Variants in JPH3 observed in about 807,000 individuals in gnomAD.
JPH3 encodes junctophilin 3.
JPH3 carries 11 observed loss-of-function variants against 59.6 expected under a neutral mutation model. That is an observed-to-expected ratio of 0.18 (90% CI 0.12 to 0.31). JPH3 has a LOEUF of 0.31. Among genes scored for constraint, JPH3 ranks in the 10% least tolerant of loss-of-function variants. JPH3 has a pLI of 1.00. For missense variants in JPH3, 1,202 were observed against 1,105.7 expected (o/e 1.09, Z -1.24); for synonymous variants, 673 against 483.6 (o/e 1.39, Z -5.14).
At chr16:87,640,466 C>CTG (rs2031910433) in intron 1 of JPH3, among the ~76,000 whole-genome samples, 1 of 151,924 alleles carries the variant, frequency 6.6e-6, no homozygotes, top group Non-Finnish European at 1.5e-5. Flanking sequence ...TCTGTGCTCA[C>CTG]TGTAACCTCC....
At chr16:87,644,119 C>A (rs1465516302) in intron 1 of JPH3, 139 bp from the exon 2 acceptor site, 1 of 906,380 alleles carries the variant, frequency 1.1e-6, no homozygotes, top group Non-Finnish European at 1.7e-6. Context: ...GCCTGGGCAA[C>A]ACAGCGAGAA....
chr16:87,636,289 TCAGCCGCGGTTGGCCGC>T (rs2031744464), intron 1 of JPH3, among the ~76,000 whole-genome samples: 1 of 152,218 alleles, frequency 6.6e-6, no homozygotes, highest in Non-Finnish European at 1.5e-5. Flanking sequence ...TCAGTTGCCC[TCAGCCGCGGTTGGCCGC>T]CAAGCACTAG....
chr16:87,657,669 T>C (rs1482070863), intron 2 of JPH3, among the ~76,000 whole-genome samples: 3 of 152,214 alleles, frequency 2.0e-5, no homozygotes, highest in Non-Finnish European at 4.4e-5. Flanking sequence ...TGCCCAGGCC[T>C]CTTCTGTCTT....
At chr16:87,681,941 C>T (rs1056319116) in intron 2 of JPH3, among the ~76,000 whole-genome samples, 5 of 152,096 alleles carry the variant, frequency 3.3e-5, no homozygotes, top group African/African-American at 7.3e-5. Context: ...TTTGGGGCAT[C>T]GCAAATCCTC....
At chr16:87,680,648 C>T (rs1035289094) in intron 2 of JPH3, among the ~76,000 whole-genome samples, 7 of 152,142 alleles carry the variant, frequency 4.6e-5, no homozygotes, top group South Asian at 2.1e-4. Context: ...CCTGTGCCAC[C>T]GTGGCCTGAC....
At chr16:87,683,954 G>A in intron 2 of JPH3, 188 bp from the exon 3 acceptor site, 2 of 594,482 alleles carry the variant, frequency 3.4e-6, no homozygotes, top group Non-Finnish European at 3.0e-6. Context: ...GTTGGTTGAT[G>A]CTCAGTGATG....
chr16:87,644,399 C>T lies in JPH3; in HGVS notation c.524C>T (p.Thr175Met), dbSNP rs151044284. Residue 175 changes from threonine to methionine, a missense_variant, in exon 2 of 5, where the codon ACG becomes ATG. By Grantham distance (81) the Thr-to-Met change is moderately conservative. Coordinates refer to ENST00000284262, the MANE Select transcript of JPH3 (RefSeq NM_020655.4). The stretch of plus-strand genomic sequence containing the variant: ...CTGCGCAGCGAGCACACCAACGGCA[C>T]GGCGCTGCATCCCGACGCCTCTCCG... ...NSLRSEHTNG[T>M]ALHPDASPAV... 205 of 1,612,544 alleles carry T rather than the reference C, an allele frequency of 1.3e-4. 1 individual carries two copies. Among genetic ancestry groups the T allele is most frequent in the Admixed American group, 2.3e-4 (14 of 59,988 alleles).
intron 2 of JPH3, among the ~76,000 whole-genome samples, chr16:87,668,188 C>T (rs537641092): frequency 2.0e-5 from 3 of 152,338 alleles, no homozygotes; most frequent in African/African-American, 7.2e-5. Flanking sequence ...TCCGGGTCCT[C>T]TGGGAAGCTC....
At chr16:87,629,683 G>T (rs556305845) in intron 1 of JPH3, among the ~76,000 whole-genome samples, 31 of 152,144 alleles carry the variant, frequency 2.0e-4, no homozygotes, top group African/African-American at 4.8e-4. Flanking sequence ...CCCAGGGTTG[G>T]GGGGGAGGGA....
chr16:87,688,774 C>A (rs2033480751), intron 3 of JPH3, among the ~76,000 whole-genome samples: 1 of 152,190 alleles, frequency 6.6e-6, no homozygotes, highest in East Asian at 1.9e-4. Context: ...TGTAACTGTT[C>A]CCCGGAGGGT....
chr16:87,622,441 G>A lies in JPH3; in HGVS notation c.382+18913G>A, dbSNP rs549964783. On this transcript the variant is annotated intron_variant, in intron 1 of 4. Transcript: ENST00000284262. ...TCTCCAGCTGTGTTCCCATTTCTCA[G>A]TGACTACCAGGTGCTGTGGCCCTTG... 2.2e-4 allele frequency among the ~76,000 whole-genome samples: 34 copies of A among 152,232 alleles called. 1 individual carries two copies. Among genetic ancestry groups the A allele is most frequent in the Admixed American group, 1.2e-3 (19 of 15,288 alleles).
chr16:87,658,847 G>GGCCCCCCA (rs1056475785), intron 2 of JPH3, among the ~76,000 whole-genome samples: 4 of 152,232 alleles, frequency 2.6e-5, no homozygotes, highest in South Asian at 2.1e-4. Flanking sequence ...AGGGGTGGGT[G>GGCCCCCCA]GCCCCCCAGC....
At chr16:87,615,827 G>C (rs768159607) in intron 1 of JPH3, among the ~76,000 whole-genome samples, 1 of 152,198 alleles carries the variant, frequency 6.6e-6, no homozygotes, top group Admixed American at 6.5e-5. Context: ...AGGCGAGTGG[G>C]GGAAGAGACC....
intron 1 of JPH3, among the ~76,000 whole-genome samples, chr16:87,629,893 G>C (rs1248629422): frequency 3.1e-5 from 4 of 130,694 alleles, no homozygotes; most frequent in African/African-American, 1.0e-4. Flanking sequence ...CTAATATCAG[G>C]GGAAGTGGGG....
chr16:87,689,355 T>G lies in JPH3; in HGVS notation c.1286-291T>G, dbSNP rs115654211. On this transcript the variant is annotated intron_variant, in intron 3 of 4. Coordinates refer to ENST00000284262, the MANE Select transcript of JPH3 (RefSeq NM_020655.4). ...CACACCCCAGCGTCCTCACGCACTTTCCGAGCCTTGGGTCTCCCTTGTAGC... is the reference window on the plus strand; with the variant it reads ...CACACCCCAGCGTCCTCACGCACTTGCCGAGCCTTGGGTCTCCCTTGTAGC... Among the ~76,000 whole-genome samples, 729 of 152,272 alleles carry G rather than the reference T, an allele frequency of 4.8e-3. 6 individuals are homozygous for G. Among genetic ancestry groups the G allele is most frequent in the African/African-American group, 0.017 (688 of 41,554 alleles).
At chr16:87,682,883 G>A (rs1232439234) in intron 2 of JPH3, among the ~76,000 whole-genome samples, 2 of 152,254 alleles carry the variant, frequency 1.3e-5, no homozygotes, top group Non-Finnish European at 2.9e-5. Context: ...GCAAGCCCCA[G>A]GCTGCTGAGA....
At chr16:87,616,062 G>A (rs1256562113) in intron 1 of JPH3, among the ~76,000 whole-genome samples, 1 of 152,176 alleles carries the variant, frequency 6.6e-6, no homozygotes, top group African/African-American at 2.4e-5. Context: ...GGCTGCCGCA[G>A]TTGGGAGAAG....
intron 4 of JPH3, among the ~76,000 whole-genome samples, chr16:87,690,961 G>T (rs2033554619): frequency 6.6e-6 from 1 of 152,210 alleles, no homozygotes; most frequent in Non-Finnish European, 1.5e-5. Flanking sequence ...CTGGGGCTGG[G>T]AGTCAGGTCT....
chr16:87,679,733 T>G (rs971121239), intron 2 of JPH3, among the ~76,000 whole-genome samples: 1 of 152,206 alleles, frequency 6.6e-6, no homozygotes, highest in African/African-American at 2.4e-5. Context: ...CACCAGAGCC[T>G]TAGTCCGGGT....
Sources: gnomAD v4.1 joint callset for allele counts (sites outside exome capture counted in the v4.1 genomes callset) on GRCh38, gnomAD v4.1.1 for gene constraint, MANE v1.5 for transcripts, NCBI Gene and HGNC (gene_info 2026-07-23, HGNC 2026-07-21) for gene names.